The following FIG4 variants were observed in gnomAD, a reference collection of about 807,000 sequenced individuals.
The protein encoded by FIG4 is polyphosphoinositide phosphatase.
Under a neutral mutation model 118.6 loss-of-function variants are expected in FIG4, and 112 were observed. The ratio of observed to expected loss-of-function variants is 0.94; its 90% CI spans 0.81 to 1.11. The LOEUF (loss-of-function observed/expected upper bound fraction) is 1.11, where lower values mean the gene tolerates loss of function less well. Ranked by LOEUF, FIG4 falls within the 50% of genes least tolerant of loss-of-function variation. The pLI is 0.00. For missense variants in FIG4, 969 were observed against 1,111.7 expected (o/e 0.87, Z 1.83); for synonymous variants, 369 against 381.2 (o/e 0.97, Z 0.37).
chr6:109,724,090 T>C (rs1775700934), intron 3 of FIG4, among the ~76,000 whole-genome samples: 1 of 152,156 alleles, frequency 6.6e-6, no homozygotes, highest in East Asian at 1.9e-4. Context: ...CCATTGGTTT[T>C]TGTTGTTGTT....
At chr6:109,785,526 A>G (rs148300972) in intron 17 of FIG4, 5 of 307,176 alleles carry the variant, frequency 1.6e-5, no homozygotes, top group East Asian at 7.8e-5. Context: ...GAAACATTCT[A>G]TATTAAAGGA....
chr6:109,823,412 A>G (rs1265277259), intron 22 of FIG4, among the ~76,000 whole-genome samples: 1 of 152,202 alleles, frequency 6.6e-6, no homozygotes, highest in Non-Finnish European at 1.5e-5. Context: ...GTGTTATTTT[A>G]ATGCAATTGA....
chr6:109,782,969 C>T (rs1354670803), intron 16 of FIG4, among the ~76,000 whole-genome samples: 1 of 152,228 alleles, frequency 6.6e-6, no homozygotes, highest in Non-Finnish European at 1.5e-5. Flanking sequence ...CCTCTCACTG[C>T]TGAGCATCAA....
chr6:109,755,213 G>A (rs1056693275), intron 10 of FIG4, among the ~76,000 whole-genome samples: 1 of 152,204 alleles, frequency 6.6e-6, no homozygotes, highest in African/African-American at 2.4e-5. Flanking sequence ...TCATTCAGGA[G>A]CTGGTTGTTC....
chr6:109,822,785 A>G (rs9487228), intron 22 of FIG4, among the ~76,000 whole-genome samples: 732 of 22,084 alleles, frequency 0.033, 8 homozygotes, highest in East Asian at 0.14. Context: ...GTGTGTGTGT[A>G]TGTATATATA....
At chr6:109,749,694 A>G (rs1204897112) in intron 10 of FIG4, among the ~76,000 whole-genome samples, 2 of 152,156 alleles carry the variant, frequency 1.3e-5, no homozygotes, top group Non-Finnish European at 1.5e-5. Context: ...CATGTCTACA[A>G]TGCTTGAAAT....
Position 109,791,362 on chromosome 6 carries a change from T to C in FIG4, c.2181-14T>C. ...GTTTAAAGATGCTTCACTTCCATAT[T>C]ATTCTTTTAAAAGAAACAAAAGCAA... On this transcript the variant is annotated splice_polypyrimidine_tract_variant and intron_variant, in intron 19 of 22. Transcript: ENST00000230124. The C allele has an allele frequency of 6.2e-7, 1 of 1,609,026 alleles. No homozygotes were observed. The highest frequency in any genetic ancestry group is 8.5e-7 in the Non-Finnish European group (1 of 1,177,732).
intron 16 of FIG4, among the ~76,000 whole-genome samples, chr6:109,782,603 A>C (rs185556631): frequency 1.6e-4 from 24 of 151,882 alleles, no homozygotes; most frequent in Admixed American, 5.9e-4. Flanking sequence ...AACATTCTTT[A>C]GGGAATTTCT....
chr6:109,768,345 G>A (rs148741154), intron 15 of FIG4, among the ~76,000 whole-genome samples: 1 of 152,200 alleles, frequency 6.6e-6, no homozygotes, highest in African/African-American at 2.4e-5. Context: ...AGAAGCATCT[G>A]GGAAAGCATC....
chr6:109,731,365 T>C (rs937917978), intron 4 of FIG4, among the ~76,000 whole-genome samples: 2 of 152,192 alleles, frequency 1.3e-5, no homozygotes, highest in African/African-American at 2.4e-5. Flanking sequence ...CTCTTGCACA[T>C]GTGTATGGGA....
intron 19 of FIG4, among the ~76,000 whole-genome samples, chr6:109,791,109 C>T (rs1778122843): frequency 6.6e-6 from 1 of 152,102 alleles, no homozygotes; most frequent in Non-Finnish European, 1.5e-5. Context: ...GGCATGGTAA[C>T]CAAGTGGTGA....
At position 109,825,354 on chromosome 6, in the gene FIG4, T is replaced by C. The variant is rs1779130897; in HGVS notation, c.*89T>C. ...CAAAAGGTAACTTATTAAAAGTCCTTTGCGTCTGAAGCCTTTCTCCTTTTC... is the reference window on the plus strand; with the variant it reads ...CAAAAGGTAACTTATTAAAAGTCCTCTGCGTCTGAAGCCTTTCTCCTTTTC... On this transcript the variant is annotated 3_prime_UTR_variant, in exon 23 of 23. Transcript: ENST00000230124. The C allele has an allele frequency of 8.0e-7, 1 of 1,250,220 alleles. No individual in the cohort carries two copies. The highest frequency in any genetic ancestry group is 1.8e-5 in the Admixed American group (1 of 54,602). 77.4% of individuals were successfully genotyped at this position (1,250,220 alleles called of 1,614,324 possible).
chr6:109,710,744 A>T lies in FIG4; in HGVS notation c.67-4334A>T, dbSNP rs146701019. 9.3e-3 allele frequency among the ~76,000 whole-genome samples: 1,411 copies of T among 152,106 alleles called. 10 individuals are homozygous for T. Among genetic ancestry groups the T allele is most frequent in the Admixed American group, 0.014 (216 of 15,282 alleles). ...GTCCAGGAATTTATCTATTTCTTCT[A>T]GATTTTCTAGTGTATGTGAATAGAG... On this transcript the variant is annotated intron_variant, in intron 1 of 22. Coordinates refer to ENST00000230124, the MANE Select transcript of FIG4 (RefSeq NM_014845.6).
intron 22 of FIG4, among the ~76,000 whole-genome samples, chr6:109,813,635 C>T (rs1023667229): frequency 6.6e-6 from 1 of 152,222 alleles, no homozygotes; most frequent in African/African-American, 2.4e-5. Context: ...AGCTCACCTT[C>T]AAGTTGGCCC....
Position 109,762,312 on chromosome 6 carries a change from T to TG in FIG4, c.1388+111dup, listed in dbSNP as rs1040090327. 11 of 746,604 alleles carry TG rather than the reference T, an allele frequency of 1.5e-5. No homozygotes were observed. In the East Asian group the frequency reaches 2.4e-4, roughly 16 times the overall value. 46.2% of individuals were successfully genotyped at this position (746,604 alleles called of 1,614,324 possible). The stretch of plus-strand genomic sequence containing the variant: ...CTTGGAAATTGGATGAATTTAGTCC[T>TG]GGGGGGAGGCACACTGCTCACATGA... On this transcript the variant is annotated intron_variant, in intron 12 of 22. Transcript: ENST00000230124.
At chr6:109,736,654 T>C (rs546385213) in intron 6 of FIG4, among the ~76,000 whole-genome samples, 1 of 152,296 alleles carries the variant, frequency 6.6e-6, no homozygotes, top group South Asian at 2.1e-4. Context: ...GAATTAAGCC[T>C]CCAATGCTAC....
chr6:109,739,371 T>G (rs1288230845), intron 7 of FIG4, among the ~76,000 whole-genome samples: 2 of 152,208 alleles, frequency 1.3e-5, no homozygotes, highest in Non-Finnish European at 2.9e-5. Context: ...TTTCGATTTT[T>G]TCTATCACCT....
At chr6:109,750,748 A>C (rs7763229) in intron 10 of FIG4, among the ~76,000 whole-genome samples, 123,735 of 152,144 alleles carry the variant, frequency 0.81, 50,781 homozygotes, top group African/African-American at 0.94. Flanking sequence ...TAACACTATT[A>C]CACTATGGAC....
chr6:109,774,900 T>C (rs975914518), intron 15 of FIG4, among the ~76,000 whole-genome samples: 6 of 152,078 alleles, frequency 3.9e-5, no homozygotes, highest in African/African-American at 1.2e-4. Context: ...CTTCCTTTCA[T>C]TGCTGATTTC....
Sources: gnomAD v4.1 joint callset for allele counts (sites outside exome capture counted in the v4.1 genomes callset) on GRCh38, gnomAD v4.1.1 for gene constraint, MANE v1.5 for transcripts, NCBI Gene and HGNC (gene_info 2026-07-23, HGNC 2026-07-21) for gene names.